Variants in STX8 observed in about 807,000 individuals in gnomAD.
STX8 encodes the protein syntaxin-8.
In STX8, 23 loss-of-function variants were observed where a neutral mutation model predicts 37.5. The observed-to-expected ratio is 0.61, with a 90% confidence interval of 0.44 to 0.87. The LOEUF (loss-of-function observed/expected upper bound fraction) is 0.87. STX8 is among the 40% of genes least tolerant of loss of function. The pLI, the probability that STX8 is intolerant of heterozygous loss-of-function variation, is 0.00. For synonymous variants in STX8, 115 were observed against 99.1 expected, an observed-to-expected ratio of 1.16 and a Z score of -0.95; for missense variants, 313 against 284.7, an observed-to-expected ratio of 1.10 and a Z score of -0.71.
chr17:9,444,714 T>C (rs1020394925), intron 6 of STX8, among the ~76,000 whole-genome samples: 2 of 152,208 alleles, frequency 1.3e-5, no homozygotes, highest in African/African-American at 4.8e-5. Context: ...TATTTTTTCT[T>C]CCTTTTTTTA....
At chr17:9,419,286 A>G (rs1913337577) in intron 6 of STX8, among the ~76,000 whole-genome samples, 1 of 152,042 alleles carries the variant, frequency 6.6e-6, no homozygotes. Flanking sequence ...GAGATCGCCC[A>G]AGGTGATCTC....
intron 7 of STX8, among the ~76,000 whole-genome samples, chr17:9,292,327 G>A (rs1001600769): frequency 2.1e-4 from 32 of 152,252 alleles, no homozygotes; most frequent in Admixed American, 1.4e-3. Context: ...ATTCACTGGC[G>A]TGGGAGACCT....
intron 6 of STX8, among the ~76,000 whole-genome samples, chr17:9,464,159 C>T (rs1369429266): frequency 6.6e-6 from 1 of 152,214 alleles, no homozygotes; most frequent in African/African-American, 2.4e-5. Context: ...TGCTCCACAT[C>T]TTCCTAAATC....
chr17:9,307,761 C>G (rs1477150846), intron 7 of STX8, among the ~76,000 whole-genome samples: 1 of 152,136 alleles, frequency 6.6e-6, no homozygotes, highest in African/African-American at 2.4e-5. Flanking sequence ...AAAGCAGGGC[C>G]TTTCTGACCT....
chr17:9,325,697 A>T (rs1404571522), intron 7 of STX8, among the ~76,000 whole-genome samples: 2 of 152,246 alleles, frequency 1.3e-5, no homozygotes, highest in African/African-American at 4.8e-5. Flanking sequence ...ACTTCCCAGT[A>T]GACTGGAAGT....
At chr17:9,441,180 G>A (rs1904634393) in intron 6 of STX8, among the ~76,000 whole-genome samples, 1 of 152,064 alleles carries the variant, frequency 6.6e-6, no homozygotes, top group Non-Finnish European at 1.5e-5. Flanking sequence ...ATTAAAATGA[G>A]ACAGGACCTT....
chr17:9,499,833 G>C (rs1659322970), intron 5 of STX8, among the ~76,000 whole-genome samples: 2 of 152,182 alleles, frequency 1.3e-5, no homozygotes, highest in South Asian at 4.1e-4. Flanking sequence ...TCTTCATAAG[G>C]AAGCTCTGTT....
chr17:9,303,841 GA>G (rs935360903), intron 7 of STX8, among the ~76,000 whole-genome samples: 1 of 151,550 alleles, frequency 6.6e-6, no homozygotes. Context: ...TAAAGGTCTA[GA>G]AAAAAAATCC....
chr17:9,489,356 G>C (rs893255460), intron 6 of STX8, among the ~76,000 whole-genome samples: 14 of 152,198 alleles, frequency 9.2e-5, no homozygotes, highest in Non-Finnish European at 1.5e-5. Flanking sequence ...AGCAGCCCAG[G>C]TGATTCTAAT....
At chr17:9,281,174 G>A (rs989694204) in intron 7 of STX8, among the ~76,000 whole-genome samples, 1 of 152,196 alleles carries the variant, frequency 6.6e-6, no homozygotes, top group Non-Finnish European at 1.5e-5. Flanking sequence ...ACAGGAAGGC[G>A]ATGCAGGAAG....
At chr17:9,312,745 G>A (rs923807581) in intron 7 of STX8, among the ~76,000 whole-genome samples, 3 of 152,182 alleles carry the variant, frequency 2.0e-5, no homozygotes, top group African/African-American at 7.2e-5. Flanking sequence ...ACATTACAGA[G>A]AGGAATTTTT....
intron 7 of STX8, among the ~76,000 whole-genome samples, chr17:9,350,007 G>A (rs778002249): frequency 6.6e-6 from 1 of 152,108 alleles, no homozygotes; most frequent in Non-Finnish European, 1.5e-5. Context: ...CAAAGTGCGG[G>A]GATTACAGGC....
At chr17:9,270,842 G>T (rs1907430492) in intron 7 of STX8, among the ~76,000 whole-genome samples, 1 of 152,166 alleles carries the variant, frequency 6.6e-6, no homozygotes, top group African/African-American at 2.4e-5. Context: ...AGGAGAATAT[G>T]TTCTGTATTT....
At chr17:9,404,022 ACAGT>A (rs1451300339) in intron 6 of STX8, among the ~76,000 whole-genome samples, 2 of 122,848 alleles carry the variant, frequency 1.6e-5, no homozygotes, top group Non-Finnish European at 3.4e-5. Flanking sequence ...GATAACATAA[ACAGT>A]CAATTAACAT....
At chr17:9,288,132 C>A (rs985503897) in intron 7 of STX8, among the ~76,000 whole-genome samples, 116 of 15,130 alleles carry the variant, frequency 7.7e-3, no homozygotes, top group Non-Finnish European at 0.01. Context: ...AACAAACAAA[C>A]AAACAAACAA....
intron 6 of STX8, among the ~76,000 whole-genome samples, chr17:9,479,690 T>C (rs1906235808): frequency 6.6e-6 from 1 of 151,446 alleles, no homozygotes; most frequent in Non-Finnish European, 1.5e-5. Context: ...GTAAATTATA[T>C]AGACAAAATT....
At chr17:9,347,073 G>A (rs1024440260) in intron 7 of STX8, among the ~76,000 whole-genome samples, 2 of 151,630 alleles carry the variant, frequency 1.3e-5, no homozygotes, top group African/African-American at 2.4e-5. Flanking sequence ...GTTGCAGTGA[G>A]CTGAGATCAC....
At chr17:9,558,457 T>C (rs143604181) in intron 2 of STX8, among the ~76,000 whole-genome samples, 6 of 152,276 alleles carry the variant, frequency 3.9e-5, no homozygotes, top group African/African-American at 1.4e-4. Flanking sequence ...TAACCTGAAC[T>C]ATCCCCATAC....
intron 7 of STX8, among the ~76,000 whole-genome samples, chr17:9,304,017 G>A (rs369988882): frequency 6.9e-6 from 1 of 144,366 alleles, no homozygotes; most frequent in East Asian, 1.9e-4. Flanking sequence ...AAATAATTAG[G>A]AAAAAAATAT....
Sources: gnomAD v4.1 joint callset for allele counts (sites outside exome capture counted in the v4.1 genomes callset) on GRCh38, gnomAD v4.1.1 for gene constraint, MANE v1.5 for transcripts, NCBI Gene and HGNC (gene_info 2026-07-23, HGNC 2026-07-21) for gene names.